The following SLC35F3 variants were observed in gnomAD, a reference collection of about 807,000 sequenced individuals.
SLC35F3 encodes the protein solute carrier family 35 member F3.
In SLC35F3, 25 loss-of-function variants were observed where a neutral mutation model predicts 49.9. The ratio of observed to expected loss-of-function variants is 0.50; its 90% CI spans 0.37 to 0.70. The LOEUF (loss-of-function observed/expected upper bound fraction) is 0.70. Among genes scored for constraint, SLC35F3 ranks in the 30% least tolerant of loss-of-function variants. The pLI, the probability that SLC35F3 is intolerant of heterozygous loss-of-function variation, is 0.00. For synonymous variants in SLC35F3, 275 were observed against 265.4 expected, an observed-to-expected ratio of 1.04 and a Z score of -0.35; for missense variants, 525 against 639.8, an observed-to-expected ratio of 0.82 and a Z score of 1.94.
intron 2 of SLC35F3, among the ~76,000 whole-genome samples, chr1:233,952,202 T>C (rs1662619412): frequency 6.6e-6 from 1 of 152,224 alleles, no homozygotes; most frequent in Non-Finnish European, 1.5e-5. Context: ...ATGTTCCTAC[T>C]TCATTATGCT....
chr1:233,927,651 C>T (rs1194210812), intron 2 of SLC35F3, among the ~76,000 whole-genome samples: 3 of 152,032 alleles, frequency 2.0e-5, no homozygotes, highest in African/African-American at 7.2e-5. Flanking sequence ...CATTTTTGAA[C>T]ACTAAAATAC....
intron 2 of SLC35F3, among the ~76,000 whole-genome samples, chr1:234,030,267 A>C (rs973052715): frequency 1.6e-4 from 24 of 152,286 alleles, no homozygotes; most frequent in African/African-American, 5.8e-4. Flanking sequence ...AGCCTTCCAC[A>C]GTGCTGTCTG....
intron 3 of SLC35F3, among the ~76,000 whole-genome samples, chr1:234,257,121 T>C (rs964653462): frequency 6.6e-6 from 1 of 152,228 alleles, no homozygotes; most frequent in African/African-American, 2.4e-5. Context: ...CTGAGATAAG[T>C]AGGTTGGGGA....
chr1:234,033,428 C>T (rs1228658090), intron 2 of SLC35F3, among the ~76,000 whole-genome samples: 2 of 152,106 alleles, frequency 1.3e-5, no homozygotes, highest in East Asian at 3.9e-4. Flanking sequence ...GAATTCTTTG[C>T]CTAAGCCAAT....
chr1:234,037,238 C>T (rs1188581460), intron 2 of SLC35F3, among the ~76,000 whole-genome samples: 2 of 152,106 alleles, frequency 1.3e-5, no homozygotes, highest in Admixed American at 6.5e-5. Context: ...GAGCAGGCAT[C>T]ACATGGTAAT....
intron 3 of SLC35F3, among the ~76,000 whole-genome samples, chr1:234,258,625 T>G (rs1435321655): frequency 6.6e-6 from 1 of 152,222 alleles, no homozygotes; most frequent in Non-Finnish European, 1.5e-5. Flanking sequence ...CATCCTTGCT[T>G]TAAGGTTAAA....
At position 234,015,504 on chromosome 1, in the gene SLC35F3, A is replaced by G. The variant is rs117565925; in HGVS notation, c.283+109746A>G. On this transcript the variant is annotated intron_variant, in intron 2 of 7. Coordinates refer to ENST00000366618, the MANE Select transcript of SLC35F3 (RefSeq NM_173508.4). Reference sequence around the variant, plus strand: ...GAATAGAGAGCTCAGAAATGAACCTATGCATTTTCAGTCAATTGATTTTCA... The same window carrying G: ...GAATAGAGAGCTCAGAAATGAACCTGTGCATTTTCAGTCAATTGATTTTCA... 9.3e-4 allele frequency among the ~76,000 whole-genome samples: 141 copies of G among 152,308 alleles called. 2 individuals are homozygous for G. In the East Asian group the frequency reaches 0.026, roughly 28 times the overall value.
chr1:234,162,636 A>T (rs1003667660), intron 2 of SLC35F3, among the ~76,000 whole-genome samples: 1 of 152,078 alleles, frequency 6.6e-6, no homozygotes, highest in Non-Finnish European at 1.5e-5. Context: ...AGCAGAGCTT[A>T]GAGTGAGCAG....
chr1:234,266,656 C>T (rs1332456439), intron 3 of SLC35F3, among the ~76,000 whole-genome samples: 1 of 152,124 alleles, frequency 6.6e-6, no homozygotes, highest in African/African-American at 2.4e-5. Context: ...CACACCTAGG[C>T]TATAATGGGA....
chr1:234,308,900 G>A (rs372378347), intron 3 of SLC35F3, among the ~76,000 whole-genome samples: 38 of 152,104 alleles, frequency 2.5e-4, no homozygotes, highest in African/African-American at 9.2e-4. Flanking sequence ...TGTGACATTA[G>A]ATCACTGTGC....
intron 2 of SLC35F3, among the ~76,000 whole-genome samples, chr1:234,069,872 C>T (rs1313425951): frequency 6.6e-6 from 1 of 152,222 alleles, no homozygotes; most frequent in African/African-American, 2.4e-5. Context: ...CAGTCTCGTA[C>T]TGCCCAGACT....
At chr1:234,242,794 C>T (rs1460511031) in intron 3 of SLC35F3, among the ~76,000 whole-genome samples, 2 of 152,182 alleles carry the variant, frequency 1.3e-5, no homozygotes, top group African/African-American at 2.4e-5. Flanking sequence ...ATGAGTTACT[C>T]TCAATCATAT....
intron 2 of SLC35F3, among the ~76,000 whole-genome samples, chr1:234,203,357 C>A (rs1466064558): frequency 6.6e-6 from 1 of 152,132 alleles, no homozygotes; most frequent in Non-Finnish European, 1.5e-5. Flanking sequence ...CATTTTTATT[C>A]TCATTTGTAC....
intron 2 of SLC35F3, among the ~76,000 whole-genome samples, chr1:234,072,300 C>G (rs927420472): frequency 1.3e-5 from 2 of 152,180 alleles, no homozygotes; most frequent in African/African-American, 4.8e-5. Context: ...TTCTTTCTGC[C>G]TTTATTCAGA....
At chr1:234,276,790 AAT>A (rs979018400) in intron 3 of SLC35F3, among the ~76,000 whole-genome samples, 131 of 152,354 alleles carry the variant, frequency 8.6e-4, no homozygotes, top group African/African-American at 3.1e-3. Flanking sequence ...GAAAAAATAA[AAT>A]GTCATGCAGA....
intron 2 of SLC35F3, among the ~76,000 whole-genome samples, chr1:234,139,951 T>TAATAAAATAAAATATAATAAATAAAATAA (rs1665868599): frequency 1.1e-5 from 1 of 90,564 alleles, no homozygotes; most frequent in Non-Finnish European, 2.3e-5. Context: ...CATCTCAAAA[T>TAATAAAATAAAATATAATAAATAAAATAA]AATAAAATAA....
In SLC35F3 at chr1:234,309,146, G is replaced by C; in HGVS notation, c.654G>C (p.Val218=). The change falls in exon 4 of 8, where the codon GTG becomes GTC. Residue 218 remains valine, a synonymous_variant. Coordinates refer to ENST00000366618, the MANE Select transcript of SLC35F3 (RefSeq NM_173508.4). ...GAGACAATGGCTTGACTTTGAAGGT[G>C]TTTTTTACCAAGGCAGCACCCTTTG... ...FFGDNGLTLK[V]FFTKAAPFGV... is the part of the protein sequence containing the mutation. The C allele has an allele frequency of 6.2e-7, 1 of 1,614,154 alleles. No homozygotes were observed. Among genetic ancestry groups the C allele is most frequent in the Non-Finnish European group, 8.5e-7 (1 of 1,180,036 alleles).
chr1:233,936,613 C>T (rs1406024712), intron 2 of SLC35F3, among the ~76,000 whole-genome samples: 3 of 151,600 alleles, frequency 2.0e-5, no homozygotes, highest in East Asian at 1.9e-4. Context: ...TTCTTCCTCT[C>T]CTCCTCCTCC....
At position 234,037,164 on chromosome 1, in the gene SLC35F3, A is replaced by G. The variant is rs1039758325; in HGVS notation, c.283+131406A>G. Among the ~76,000 whole-genome samples the G allele has an allele frequency of 2.6e-5, 4 of 152,332 alleles. No individual in the cohort carries two copies. The East Asian group carries it at 7.7e-4, about 29-fold the overall frequency. On this transcript the variant is annotated intron_variant, in intron 2 of 7. Transcript: ENST00000366618. ...GTAGGCTGTACATAAAATGAGGCAT[A>G]GTGCCAGCATCTGCTTATGATAAGG...
Sources: allele counts gnomAD v4.1 joint callset (sites outside exome capture counted in the v4.1 genomes callset), GRCh38; gene constraint gnomAD v4.1.1; transcripts MANE v1.5; gene names NCBI Gene and HGNC (gene_info 2026-07-23, HGNC 2026-07-21).